CD226: variants seen among roughly 807,000 people sequenced by gnomAD.
The protein encoded by CD226 is CD226 molecule.
CD226 carries 24 observed loss-of-function variants against 34.9 expected under a neutral mutation model. That is an observed-to-expected ratio of 0.69 (90% CI 0.50 to 0.97). The LOEUF (loss-of-function observed/expected upper bound fraction) is 0.97. CD226 is among the 50% of genes least tolerant of loss of function. CD226 has a pLI of 0.00. For missense variants in CD226, 397 were observed against 412.7 expected, an observed-to-expected ratio of 0.96 and a Z score of 0.33; for synonymous variants, 148 against 147.4, an observed-to-expected ratio of 1.00 and a Z score of -0.03.
chr18:69,878,195 T>C (rs1321360700), intron 3 of CD226, among the ~76,000 whole-genome samples: 2 of 152,208 alleles, frequency 1.3e-5, no homozygotes, highest in South Asian at 2.1e-4. Context: ...AAGAATTGTT[T>C]CCAGAAGCCA....
chr18:69,933,510 C>A (rs1464200461), intron 2 of CD226, among the ~76,000 whole-genome samples: 1 of 152,206 alleles, frequency 6.6e-6, no homozygotes, highest in African/African-American at 2.4e-5. Context: ...TCACCTCCAA[C>A]TCCCCAAACC....
intron 2 of CD226, among the ~76,000 whole-genome samples, chr18:69,899,351 C>T (rs1788234): frequency 0.46 from 69,985 of 152,068 alleles, 17,123 homozygotes; most frequent in African/African-American, 0.63. Context: ...TTCACAAAAC[C>T]CTGAGTCATT....
chr18:69,871,765 G>T, intron 4 of CD226, among the ~76,000 whole-genome samples: 1 of 152,202 alleles, frequency 6.6e-6, no homozygotes, highest in Non-Finnish European at 1.5e-5. Flanking sequence ...AAAGTAGAAA[G>T]TATGAATAAA....
intron 2 of CD226, among the ~76,000 whole-genome samples, chr18:69,935,802 C>G (rs1405019798): frequency 6.6e-6 from 1 of 152,186 alleles, no homozygotes; most frequent in Non-Finnish European, 1.5e-5. Context: ...ATCAATTCAG[C>G]CAAGCATACC....
intron 2 of CD226, among the ~76,000 whole-genome samples, chr18:69,925,191 A>G (rs1431453562): frequency 1.3e-5 from 2 of 152,208 alleles, no homozygotes; most frequent in Admixed American, 6.5e-5. Context: ...TGTGTTTTCA[A>G]TGGGTGCCAT....
rs1982550977 is a variant in CD226, at chr18:69,854,222, C to A, written c.*10092G>T. The A allele has an allele frequency of 6.6e-6, 1 of 152,202 alleles. No individual in the cohort carries two copies. Among genetic ancestry groups the A allele is most frequent in the African/African-American group, 2.4e-5 (1 of 41,418 alleles). 9.4% of individuals were successfully genotyped at this position (152,202 alleles called of 1,614,324 possible). On this transcript the variant is annotated 3_prime_UTR_variant, in exon 6 of 6. Transcript: ENST00000582621. The stretch of plus-strand genomic sequence containing the variant: ...CCTATTAGAGAACCAAGGTCCTGAG[C>A]AAACTGCCACCCCAAAATCTGGAGA...
intron 1 of CD226, among the ~76,000 whole-genome samples, chr18:69,953,673 T>G (rs1015832742): frequency 1.3e-5 from 2 of 152,210 alleles, no homozygotes; most frequent in Non-Finnish European, 2.9e-5. Flanking sequence ...ACACTGTGGA[T>G]GTACTAAATA....
At chr18:69,928,565 G>A (rs1461882472) in intron 2 of CD226, among the ~76,000 whole-genome samples, 1 of 152,200 alleles carries the variant, frequency 6.6e-6, no homozygotes, top group East Asian at 1.9e-4. Flanking sequence ...GCTGAAGAAT[G>A]AGTACAGGTT....
intron 3 of CD226, among the ~76,000 whole-genome samples, chr18:69,888,929 TA>T (rs1224496466): frequency 1.3e-5 from 2 of 152,150 alleles, no homozygotes; most frequent in Non-Finnish European, 2.9e-5. Context: ...ATAGTATGTA[TA>T]AAAAATGACT....
At chr18:69,961,489 A>C (rs989010421), upstream of CD226, 2 of 152,182 alleles carry the variant, frequency 1.3e-5, no homozygotes, top group Non-Finnish European at 2.9e-5. Context: ...ACAATCAATC[A>C]TTGAAGACCT....
At chr18:69,920,562 C>A (rs931986769) in intron 2 of CD226, among the ~76,000 whole-genome samples, 16 of 152,124 alleles carry the variant, frequency 1.1e-4, no homozygotes, top group Non-Finnish European at 1.6e-4. Flanking sequence ...CTTACAATTA[C>A]TCCTCAAAAG....
At chr18:69,900,504 G>C (rs1047429186) in intron 2 of CD226, among the ~76,000 whole-genome samples, 1 of 151,488 alleles carries the variant, frequency 6.6e-6, no homozygotes, top group East Asian at 1.9e-4. Context: ...AGGCCGAGGC[G>C]GGCGGATCAC....
At chr18:69,905,644 T>C (rs2055243664) in intron 2 of CD226, among the ~76,000 whole-genome samples, 1 of 152,206 alleles carries the variant, frequency 6.6e-6, no homozygotes, top group Non-Finnish European at 1.5e-5. Flanking sequence ...CTTTATTCAT[T>C]CAACATTCAT....
intron 2 of CD226, among the ~76,000 whole-genome samples, chr18:69,925,408 G>A (rs1887746900): frequency 1.3e-5 from 2 of 151,882 alleles, no homozygotes. Flanking sequence ...ACATGTCAAA[G>A]GAGAAACAAA....
At chr18:69,947,306 T>C in intron 1 of CD226, 55 bp downstream of exon 1, 1 of 1,225,898 alleles carries the variant, frequency 8.2e-7, no homozygotes. Flanking sequence ...TGCCACACTG[T>C]ACAAACAAAA....
upstream of CD226, among the ~76,000 whole-genome samples, chr18:69,949,764 C>T (rs1338018518): frequency 6.6e-6 from 1 of 151,896 alleles, no homozygotes; most frequent in African/African-American, 2.4e-5. Flanking sequence ...ACACATGCAC[C>T]CACACACACA....
chr18:69,940,908 G>A (rs994889429), intron 2 of CD226, among the ~76,000 whole-genome samples: 29 of 152,250 alleles, frequency 1.9e-4, no homozygotes, highest in African/African-American at 7.0e-4. Flanking sequence ...AGCCTAGGAG[G>A]GAAAAGTGAT....
chr18:69,961,315 A>G (rs914885879), upstream of CD226, among the ~76,000 whole-genome samples: 1 of 152,196 alleles, frequency 6.6e-6, no homozygotes, highest in Admixed American at 6.5e-5. Flanking sequence ...GCAAGACCCA[A>G]TTTTGAGAAT....
chr18:69,867,497 C>T lies in CD226; in HGVS notation c.831-86G>A, dbSNP rs1224435682. 2.8e-5 allele frequency: 24 copies of T among 846,040 alleles called. No homozygotes were observed. In the East Asian group the frequency reaches 5.8e-4, roughly 20 times the overall value. The allele number at this position is 846,040 out of a possible 1,614,324, so 52.4% of individuals were successfully genotyped here. ...GAAGACTCTATACCTCACTGTACCC[C>T]TAGCCCACATGCACCTTCTAATATG... is the stretch of plus-strand genomic sequence containing the variant. On this transcript the variant is annotated intron_variant, in intron 4 of 5. Coordinates refer to ENST00000582621, the MANE Select transcript of CD226 (RefSeq NM_001303618.2).
Sources: gnomAD v4.1 joint callset for allele counts (sites outside exome capture counted in the v4.1 genomes callset) on GRCh38, gnomAD v4.1.1 for gene constraint, MANE v1.5 for transcripts, NCBI Gene and HGNC (gene_info 2026-07-23, HGNC 2026-07-21) for gene names.